RSPO1: variants seen among roughly 807,000 people sequenced by gnomAD.
The protein encoded by RSPO1 is R-spondin 1, also known as R-spondin-1.
In RSPO1, 18 loss-of-function variants were observed where a neutral mutation model predicts 26.0. The ratio of observed to expected loss-of-function variants is 0.69; its 90% CI spans 0.48 to 1.03. The LOEUF is 1.03. RSPO1 is among the 50% of genes least tolerant of loss of function. The probability of loss-of-function intolerance (pLI) is 0.00; values close to 1 mark genes in which losing one functional copy is unlikely to be tolerated. For missense variants in RSPO1, 309 were observed against 352.3 expected (o/e 0.88, Z 0.98); for synonymous variants, 133 against 137.4 (o/e 0.97, Z 0.22).
At chr1:37,619,299 G>C (rs1307137877) in intron 3 of RSPO1, among the ~76,000 whole-genome samples, 1 of 152,204 alleles carries the variant, frequency 6.6e-6, no homozygotes, top group Non-Finnish European at 1.5e-5. Flanking sequence ...AGAGAGCTGG[G>C]AAAATCAGAA....
intron 3 of RSPO1, among the ~76,000 whole-genome samples, chr1:37,624,687 G>T (rs888283232): frequency 1.3e-5 from 2 of 152,234 alleles, no homozygotes; most frequent in African/African-American, 2.4e-5. Flanking sequence ...GCCCCTCCCC[G>T]CTAGGGGCTT....
intron 4 of RSPO1, among the ~76,000 whole-genome samples, chr1:37,615,580 G>C (rs896041544): frequency 3.3e-5 from 5 of 152,202 alleles, no homozygotes; most frequent in African/African-American, 1.2e-4. Flanking sequence ...ATTGTGTCCT[G>C]TCTCCCTCCC....
chr1:37,630,336 C>G (rs1349250716), intron 2 of RSPO1, among the ~76,000 whole-genome samples: 1 of 152,228 alleles, frequency 6.6e-6, no homozygotes, highest in Admixed American at 6.5e-5. Flanking sequence ...CTCTCTCTCT[C>G]TCTCTGTCCT....
chr1:37,624,927 G>T lies in RSPO1; in HGVS notation c.94+4641C>A, dbSNP rs919225150. Among the ~76,000 whole-genome samples the T allele has an allele frequency of 2.6e-5, 4 of 152,042 alleles. No individual in the cohort carries two copies. The South Asian group carries it at 8.3e-4, about 32-fold the overall frequency. ...CCATTTTTGTTTCTCTGGACATGTC[G>T]CACTATCTCACACCTGTGTGCTTTT... is the stretch of plus-strand genomic sequence containing the variant. On this transcript the variant is annotated intron_variant, in intron 3 of 6. Transcript: ENST00000356545.
Position 37,629,962 on chromosome 1 carries a change from G to T in RSPO1, c.-288-13C>A. ...TCCAAAAACCAACCTGTCAGGGAAG[G>T]AGAAAGAAGGGTTAATTCTGTAGTA... On this transcript the variant is annotated splice_polypyrimidine_tract_variant and intron_variant, in intron 2 of 6. Coordinates refer to ENST00000356545, the MANE Select transcript of RSPO1 (RefSeq NM_001242908.2). The T allele has an allele frequency of 2.6e-6, 3 of 1,148,468 alleles. No individual in the cohort carries two copies. The highest frequency in any genetic ancestry group is 1.3e-6 in the Non-Finnish European group (1 of 779,900). The allele number at this position is 1,148,468 out of a possible 1,614,324, so 71.1% of individuals were successfully genotyped here.
intron 3 of RSPO1, among the ~76,000 whole-genome samples, chr1:37,625,064 C>T (rs528803797): frequency 2.6e-5 from 4 of 152,358 alleles, no homozygotes; most frequent in African/African-American, 9.6e-5. Flanking sequence ...CCTGATCTCA[C>T]CTCCCTGCAA....
intron 3 of RSPO1, among the ~76,000 whole-genome samples, chr1:37,618,122 G>A (rs1644145074): frequency 5.3e-5 from 8 of 152,194 alleles, no homozygotes; most frequent in Admixed American, 5.2e-4. Context: ...TGAAAGATAA[G>A]GTTTTCTATC....
At chr1:37,632,418 A>C (rs1644372105) in intron 1 of RSPO1, 65 bp from the exon 2 acceptor site, 1 of 152,146 alleles carries the variant, frequency 6.6e-6, no homozygotes, top group African/African-American at 2.4e-5. Context: ...GGCCTCCCCC[A>C]CCTCTGGGAT....
At chr1:37,621,045 A>G (rs1644194627) in intron 3 of RSPO1, among the ~76,000 whole-genome samples, 2 of 152,174 alleles carry the variant, frequency 1.3e-5, no homozygotes, top group Non-Finnish European at 2.9e-5. Flanking sequence ...GCGCCCTTTC[A>G]GATCTGCTGC....
chr1:37,622,959 A>G lies in RSPO1; in HGVS notation c.95-6284T>C, dbSNP rs2148173654. 2.0e-5 allele frequency among the ~76,000 whole-genome samples: 3 copies of G among 152,244 alleles called. 1 individual carries two copies. Among genetic ancestry groups the G allele is most frequent in the Admixed American group, 2.0e-4 (3 of 15,294 alleles). On this transcript the variant is annotated intron_variant, in intron 3 of 6. Transcript: ENST00000356545. The stretch of plus-strand genomic sequence containing the variant: ...ATGGCTGGGGATGGGGAATGTGATT[A>G]CAAGACTCAGAGGCAGGGGACATTG...
At chr1:37,619,517 G>C (rs1356079100) in intron 3 of RSPO1, among the ~76,000 whole-genome samples, 2 of 152,202 alleles carry the variant, frequency 1.3e-5, no homozygotes, top group Non-Finnish European at 2.9e-5. Flanking sequence ...TTCAGAACAG[G>C]AGAACATGGA....
At chr1:37,628,994 C>T (rs1644318234) in intron 3 of RSPO1, among the ~76,000 whole-genome samples, 1 of 152,216 alleles carries the variant, frequency 6.6e-6, no homozygotes, top group Non-Finnish European at 1.5e-5. Flanking sequence ...GCTTGTCTCC[C>T]CTTCGATGCC....
At chr1:37,616,176 C>T (rs1192384382) in intron 4 of RSPO1, among the ~76,000 whole-genome samples, 1 of 152,036 alleles carries the variant, frequency 6.6e-6, no homozygotes, top group Non-Finnish European at 1.5e-5. Flanking sequence ...AGATGACAGG[C>T]AGGCTTTGGT....
chr1:37,622,707 G>A (rs1250588046), intron 3 of RSPO1, among the ~76,000 whole-genome samples: 2 of 152,158 alleles, frequency 1.3e-5, no homozygotes, highest in African/African-American at 4.8e-5. Flanking sequence ...GATCTTCAGG[G>A]ACCAGGGCTG....
chr1:37,624,381 A>C (rs1399186744), intron 3 of RSPO1, among the ~76,000 whole-genome samples: 1 of 152,160 alleles, frequency 6.6e-6, no homozygotes, highest in African/African-American at 2.4e-5. Context: ...GGGTGGACTC[A>C]GCGAGGGCAA....
intron 3 of RSPO1, among the ~76,000 whole-genome samples, chr1:37,617,859 C>G (rs1644141333): frequency 6.6e-6 from 1 of 152,014 alleles, no homozygotes; most frequent in Admixed American, 6.6e-5. Flanking sequence ...ACTGATCTTT[C>G]AGTGGAGCAG....
intron 4 of RSPO1, among the ~76,000 whole-genome samples, chr1:37,616,017 G>T (rs543311967): frequency 1.3e-5 from 2 of 152,344 alleles, no homozygotes; most frequent in African/African-American, 4.8e-5. Flanking sequence ...TAGGGTGTGT[G>T]TCTCAGAAGC....
intron 2 of RSPO1, among the ~76,000 whole-genome samples, chr1:37,630,598 G>A (rs528535563): frequency 6.4e-4 from 97 of 152,376 alleles, no homozygotes; most frequent in African/African-American, 2.2e-3. Flanking sequence ...CACAGAGAAT[G>A]GGGATAATCC....
rs368554193 is a variant in RSPO1, at chr1:37,613,701, C to T, written c.625+3G>A. ...CCCCAGGGAGGCAGAGGCTGCAGCTCACCCTCAGGACACGGCACTCTCCTC... is the reference window on the plus strand; with the variant it reads ...CCCCAGGGAGGCAGAGGCTGCAGCTTACCCTCAGGACACGGCACTCTCCTC... On this transcript the variant is annotated splice_donor_region_variant and intron_variant, in intron 6 of 6. Transcript: ENST00000356545. The surrounding 1 kb of genome is among the most constrained non-coding windows in gnomAD (Gnocchi z 4.5). 3.6e-5 allele frequency: 58 copies of T among 1,612,134 alleles called. No homozygotes were observed. In the African/African-American group the frequency reaches 7.2e-4, roughly 20 times the overall value.
Sources: allele counts gnomAD v4.1 joint callset (sites outside exome capture counted in the v4.1 genomes callset), GRCh38; gene constraint gnomAD v4.1.1; non-coding constraint Gnocchi (gnomAD v3.1); transcripts MANE v1.5; gene names NCBI Gene and HGNC (gene_info 2026-07-23, HGNC 2026-07-21).